RASEF: variants seen among roughly 807,000 people sequenced by gnomAD.
RASEF encodes the protein ras and EF-hand domain-containing protein.
RASEF carries 68 observed loss-of-function variants against 90.1 expected under a neutral mutation model. That is an observed-to-expected ratio of 0.75 (90% CI 0.62 to 0.92). The LOEUF (loss-of-function observed/expected upper bound fraction) is 0.92, where lower values mean the gene tolerates loss of function less well. Among genes scored for constraint, RASEF ranks in the 40% least tolerant of loss-of-function variants. The probability of loss-of-function intolerance (pLI) is 0.00; values close to 1 mark genes in which losing one functional copy is unlikely to be tolerated. For missense variants in RASEF, 949 were observed against 937.2 expected, an observed-to-expected ratio of 1.01 and a Z score of -0.16; for synonymous variants, 331 against 345.2, an observed-to-expected ratio of 0.96 and a Z score of 0.46.
chr9:83,101,161 C>T, the RASEF span, among the ~76,000 whole-genome samples: 1 of 152,192 alleles, frequency 6.6e-6, no homozygotes, highest in African/African-American at 2.4e-5. Flanking sequence ...CATTACTAGC[C>T]TTATATTCTG....
At chr9:83,162,470 A>G in the RASEF span, among the ~76,000 whole-genome samples, 1 of 152,204 alleles carries the variant, frequency 6.6e-6, no homozygotes, top group Non-Finnish European at 1.5e-5. Flanking sequence ...TTTACCAAAA[A>G]TCTTGTTGGG....
intron 1 of RASEF, among the ~76,000 whole-genome samples, chr9:83,026,403 A>C (rs1381197894): frequency 6.6e-6 from 1 of 152,210 alleles, no homozygotes; most frequent in Non-Finnish European, 1.5e-5. Context: ...TCACAGTTCC[A>C]CATGACTGGG....
the RASEF span, among the ~76,000 whole-genome samples, chr9:83,206,035 T>A: frequency 6.6e-6 from 1 of 152,202 alleles, no homozygotes. Flanking sequence ...CTCTGTTAAT[T>A]GCACTAAAAA....
chr9:82,990,568 C>T (rs1295030454), intron 15 of RASEF, 101 bp from the exon 16 acceptor site: 3 of 798,328 alleles, frequency 3.8e-6, no homozygotes, highest in Admixed American at 4.3e-5. Flanking sequence ...TCCTACTGAG[C>T]ATGCTAAGAG....
intron 3 of RASEF, among the ~76,000 whole-genome samples, 197 bp from the exon 4 acceptor site, chr9:83,016,097 T>C (rs1272443895): frequency 6.6e-6 from 1 of 152,126 alleles, no homozygotes; most frequent in Non-Finnish European, 1.5e-5. Flanking sequence ...CCTACAAAAC[T>C]GAAAGAAGAG....
At chr9:83,218,766 G>A in the RASEF span, among the ~76,000 whole-genome samples, 1 of 152,186 alleles carries the variant, frequency 6.6e-6, no homozygotes, top group Admixed American at 6.5e-5. Context: ...CCCACATCTG[G>A]ATTCGGCTGA....
At chr9:83,033,097 T>C (rs2118605811) in intron 1 of RASEF, among the ~76,000 whole-genome samples, 1 of 152,346 alleles carries the variant, frequency 6.6e-6, no homozygotes, top group South Asian at 2.1e-4. Flanking sequence ...GTATGTTTTA[T>C]GCATCTAGAA....
intron 1 of RASEF, among the ~76,000 whole-genome samples, chr9:83,033,722 T>C (rs1218045961): frequency 1.3e-5 from 2 of 152,160 alleles, no homozygotes; most frequent in East Asian, 1.9e-4. Context: ...GAGATAAAAA[T>C]AAATCTAAGA....
In RASEF at chr9:83,048,728, C is replaced by T. The variant is rs535693889; in HGVS notation, c.431+13709G>A. 5.9e-5 allele frequency: 58 copies of T among 985,110 alleles called. No individual in the cohort carries two copies. The South Asian group carries it at 2.2e-3, about 37-fold the overall frequency. 61.0% of individuals were successfully genotyped at this position (985,110 alleles called of 1,614,324 possible). The stretch of plus-strand genomic sequence containing the variant: ...ATTTAAATGACAGAGGAGATAAATA[C>T]ACATTGAGAAATGAAACACTTATGT... On this transcript the variant is annotated intron_variant, in intron 1 of 16. Transcript: ENST00000376447.
chr9:82,997,587 C>CT (rs1287544750), intron 13 of RASEF, among the ~76,000 whole-genome samples: 14 of 152,154 alleles, frequency 9.2e-5, no homozygotes, highest in African/African-American at 3.4e-4. Context: ...CATACCAGGA[C>CT]TTTACATACA....
intron 1 of RASEF, among the ~76,000 whole-genome samples, chr9:83,047,451 C>T (rs1483349864): frequency 6.6e-6 from 1 of 152,064 alleles, no homozygotes; most frequent in Admixed American, 6.6e-5. Context: ...AACTAAATTC[C>T]CTTATTTTTT....
the RASEF span, among the ~76,000 whole-genome samples, chr9:83,205,851 C>T: frequency 6.6e-6 from 1 of 152,178 alleles, no homozygotes; most frequent in South Asian, 2.1e-4. Context: ...CCTTTCCTCT[C>T]CACATTTACT....
the RASEF span, among the ~76,000 whole-genome samples, chr9:83,084,694 A>G: frequency 1.3e-5 from 2 of 152,158 alleles, no homozygotes; most frequent in South Asian, 4.1e-4. Flanking sequence ...CTTCAAGACT[A>G]TCTGAGGTTA....
At chr9:83,155,515 T>C in the RASEF span, among the ~76,000 whole-genome samples, 3 of 152,238 alleles carry the variant, frequency 2.0e-5, no homozygotes, top group East Asian at 3.9e-4. Flanking sequence ...GAGAACAGTA[T>C]GGGGGAAACC....
the RASEF span, among the ~76,000 whole-genome samples, chr9:83,157,773 C>T: frequency 2.0e-5 from 3 of 152,132 alleles, no homozygotes; most frequent in Non-Finnish European, 4.4e-5. Flanking sequence ...TTGATAAAAA[C>T]TTGGGCACTG....
At chr9:82,989,244 GTA>G (rs1445548582) in intron 16 of RASEF, among the ~76,000 whole-genome samples, 1 of 151,934 alleles carries the variant, frequency 6.6e-6, no homozygotes, top group Non-Finnish European at 1.5e-5. Flanking sequence ...GTGTGTGTGT[GTA>G]TATCTTTTTT....
the RASEF span, among the ~76,000 whole-genome samples, chr9:83,124,223 C>T: frequency 6.6e-6 from 1 of 152,160 alleles, no homozygotes. Flanking sequence ...TTGCTTCTAT[C>T]TTTTGGCTAT....
chr9:83,185,054 T>C, the RASEF span, among the ~76,000 whole-genome samples: 1 of 152,146 alleles, frequency 6.6e-6, no homozygotes. Context: ...CTCAGGTGAT[T>C]CTGGTACGTG....
At chr9:83,164,439 T>C in the RASEF span, among the ~76,000 whole-genome samples, 1 of 148,394 alleles carries the variant, frequency 6.7e-6, no homozygotes, top group Non-Finnish European at 1.5e-5. Flanking sequence ...TTAGTATCAT[T>C]TTATTATAAG....
Sources: gnomAD v4.1 joint callset for allele counts (sites outside exome capture counted in the v4.1 genomes callset) on GRCh38, gnomAD v4.1.1 for gene constraint, MANE v1.5 for transcripts, NCBI Gene and HGNC (gene_info 2026-07-23, HGNC 2026-07-21) for gene names.